SPPL2B: variants seen among roughly 807,000 people sequenced by gnomAD.
SPPL2B encodes the protein signal peptide peptidase-like 2B.
Under a neutral mutation model 59.7 loss-of-function variants are expected in SPPL2B, and 39 were observed. That is an observed-to-expected ratio of 0.65 (90% CI 0.51 to 0.85). The LOEUF (loss-of-function observed/expected upper bound fraction) is 0.85, where lower values mean the gene tolerates loss of function less well. Ranked by LOEUF, SPPL2B falls within the 40% of genes least tolerant of loss-of-function variation. The pLI, the probability that SPPL2B is intolerant of heterozygous loss-of-function variation, is 0.00. For missense variants in SPPL2B, 865 were observed against 849.0 expected (o/e 1.02, Z -0.23); for synonymous variants, 419 against 370.8 (o/e 1.13, Z -1.49).
chr19:2,345,709 C>T (rs1427927670), intron 13 of SPPL2B, among the ~76,000 whole-genome samples: 1 of 151,752 alleles, frequency 6.6e-6, no homozygotes, highest in African/African-American at 2.4e-5. Flanking sequence ...CTTCCTGGGC[C>T]TGTGCCTCCG....
intron 2 of SPPL2B, among the ~76,000 whole-genome samples, chr19:2,335,923 G>A (rs1968574029): frequency 6.6e-6 from 1 of 152,272 alleles, no homozygotes; most frequent in African/African-American, 2.4e-5. Context: ...GCATGTTTAT[G>A]TGAGTTTGCA....
In SPPL2B at chr19:2,354,013, G is replaced by A. The variant is rs945809337; in HGVS notation, c.*804G>A. On this transcript the variant is annotated 3_prime_UTR_variant, in exon 15 of 15. Transcript: ENST00000613503. ...AGCAGGGGTGGGCGCCAGGCAGGCT[G>A]GGTCAGGCCCTCAGGGGTCCCTGGA... is the stretch of plus-strand genomic sequence containing the variant. The A allele has an allele frequency of 6.6e-6, 1 of 152,226 alleles. No homozygotes were observed. The highest frequency in any genetic ancestry group is 2.4e-5 in the African/African-American group (1 of 41,452). The allele number at this position is 152,226 out of a possible 1,614,324, so 9.4% of individuals were successfully genotyped here. A position where few individuals can be genotyped will look rare whatever the true frequency, so the allele number is the denominator to read the frequency against.
Position 2,337,426 on chromosome 19 carries a change from T to C in SPPL2B, c.187-17T>C. 3 of 1,579,376 alleles carry C rather than the reference T, an allele frequency of 1.9e-6. No individual in the cohort carries two copies. Among genetic ancestry groups the C allele is most frequent in the African/African-American group, 1.3e-5 (1 of 74,408 alleles). On this transcript the variant is annotated splice_polypyrimidine_tract_variant and intron_variant, in intron 2 of 14. Coordinates refer to ENST00000613503, the MANE Select transcript of SPPL2B (RefSeq NM_152988.3). Reference sequence around the variant, plus strand: ...ACTCACATCACGTGAGACAACACTGTGCCCTGGCCTTTCCAGTCTTTCCTG... The same window carrying C: ...ACTCACATCACGTGAGACAACACTGCGCCCTGGCCTTTCCAGTCTTTCCTG...
At chr19:2,337,252 A>T in intron 2 of SPPL2B, 191 bp from the exon 3 acceptor site, 1 of 520,676 alleles carries the variant, frequency 1.9e-6, no homozygotes, top group Non-Finnish European at 3.3e-6. Context: ...GAGGCAGCCC[A>T]GCCCGTCGCC....
Position 2,353,479 on chromosome 19 carries a change from C to T in SPPL2B, c.*270C>T, listed in dbSNP as rs1338802706. On this transcript the variant is annotated 3_prime_UTR_variant, in exon 15 of 15. Transcript: ENST00000613503. ...TCCATCCTCCCCACCGGGGTCCGTC[C>T]TCGCAGGCCCTGCCCGGCCTCTCTG... The T allele has an allele frequency of 9.2e-6, 3 of 327,102 alleles. No homozygotes were observed. Among genetic ancestry groups the T allele is most frequent in the East Asian group, 1.0e-4 (2 of 19,708 alleles). The allele number at this position is 327,102 out of a possible 1,614,324, so 20.3% of individuals were successfully genotyped here.
intron 5 of SPPL2B, 54 bp from the exon 6 acceptor site, chr19:2,339,770 C>T: frequency 6.3e-7 from 1 of 1,575,372 alleles, no homozygotes; most frequent in East Asian, 2.3e-5. Context: ...GGCTCCCGAG[C>T]CCCGTGTCGG....
At chr19:2,334,791 C>T (rs78623786) in intron 2 of SPPL2B, 70 bp downstream of exon 2, 22 of 1,447,360 alleles carry the variant, frequency 1.5e-5, no homozygotes, top group East Asian at 1.1e-4. Flanking sequence ...GAGACACATC[C>T]GGCTGGGGTT....
At chr19:2,340,316 G>A in intron 7 of SPPL2B, 144 bp downstream of exon 7, 1 of 703,928 alleles carries the variant, frequency 1.4e-6, no homozygotes, top group Non-Finnish European at 2.3e-6. Context: ...GGGCTCCTAG[G>A]CCCAGGAGCA....
chr19:2,340,100 G>T lies in SPPL2B; in HGVS notation c.767G>T (p.Cys256Phe), dbSNP rs1182288345. 6.3e-6 allele frequency: 10 copies of T among 1,594,992 alleles called. No individual in the cohort carries two copies. In the South Asian group the frequency reaches 1.1e-4, roughly 18 times the overall value. Residue 256 changes from cysteine to phenylalanine, a missense_variant, in exon 7 of 15, where the codon TGC (cysteine) becomes TTC (phenylalanine). Cys to Phe is a radical substitution (Grantham distance 205). Transcript: ENST00000613503. ...GTGTACGTGGTCATCGGGATCTTCT[G>T]CCTGGCCTCCGCCACCGGCCTCTAC... The part of the protein sequence containing the change: ...LLVYVVIGIF[C>F]LASATGLYSC...
rs762137521 is a variant in SPPL2B, at chr19:2,340,953, C to T, written c.895C>T (p.Leu299Phe). 1.2e-6 allele frequency: 2 copies of T among 1,604,152 alleles called. No homozygotes were observed. Among genetic ancestry groups the T allele is most frequent in the Admixed American group, 1.7e-5 (1 of 59,982 alleles). The change falls in exon 8 of 15, where the codon CTC becomes TTC. Residue 299 changes from leucine to phenylalanine, a missense_variant. Physicochemically the swap from Leu to Phe is conservative, Grantham distance 22 (BLOSUM62 0). Transcript: ENST00000613503. ...FHKRPQARML[L>F]LALFCVAVSV... ...CAAGCGCCCGCAGGCCCGTATGCTG[C>T]TCCTGGCGCTCTTCTGCGTGGCCGT...
At chr19:2,335,684 C>G (rs1262161752) in intron 2 of SPPL2B, among the ~76,000 whole-genome samples, 1 of 150,934 alleles carries the variant, frequency 6.6e-6, no homozygotes, top group Non-Finnish European at 1.5e-5. Flanking sequence ...TCCTTTCCCA[C>G]CGTATCCCTC....
chr19:2,351,567 C>G lies in SPPL2B; in HGVS notation c.1488C>G (p.Gly496=), dbSNP rs62119750. 140 of 1,611,048 alleles carry G rather than the reference C, an allele frequency of 8.7e-5. No individual in the cohort carries two copies. Among genetic ancestry groups the G allele is most frequent in the Non-Finnish European group, 1.2e-4 (138 of 1,179,154 alleles). ...TGGCGCTCTGGCGCCGGGAGCTGGG[C>G]GTGTTCTGGACGGGCAGCGGCTTTG... is the stretch of plus-strand genomic sequence containing the variant. The part of the protein sequence containing the change: ...CAVALWRREL[G]VFWTGSGFAK... Residue 496 remains glycine, a synonymous_variant, in exon 14 of 15, where the codon GGC becomes GGG. Transcript: ENST00000613503.
intron 1 of SPPL2B, among the ~76,000 whole-genome samples, 194 bp downstream of exon 1, chr19:2,328,969 C>G (rs985647100): frequency 6.6e-6 from 1 of 152,232 alleles, no homozygotes; most frequent in South Asian, 2.1e-4. Flanking sequence ...GGCTCCTCTC[C>G]TTTCCCCGCC....
intron 5 of SPPL2B, 124 bp downstream of exon 5, chr19:2,339,332 G>T: frequency 8.7e-7 from 1 of 1,152,626 alleles, no homozygotes; most frequent in Non-Finnish European, 1.2e-6. Flanking sequence ...GCCCCGTGGA[G>T]CCCTTCGTTT....
In SPPL2B at chr19:2,345,260, G is replaced by A; in HGVS notation, c.1284G>A (p.Leu428=). 1 of 1,612,100 alleles carries A rather than the reference G, an allele frequency of 6.2e-7. No homozygotes were observed. The highest frequency in any genetic ancestry group is 8.5e-7 in the Non-Finnish European group (1 of 1,179,226). The change falls in exon 13 of 15, where the codon CTG becomes CTA. Residue 428 remains leucine (L), a synonymous_variant. Coordinates refer to ENST00000613503, the MANE Select transcript of SPPL2B (RefSeq NM_152988.3). The part of the protein sequence containing the change: ...GFGDILVPGL[L]VAYCHRFDIQ... ...GCCCTGTGCCTCCCCCAGGGCTGCT[G>A]GTGGCCTACTGCCACAGGTTTGACA... is the stretch of plus-strand genomic sequence containing the variant.
At chr19:2,346,261 A>G (rs1272239632) in intron 13 of SPPL2B, among the ~76,000 whole-genome samples, 1 of 152,224 alleles carries the variant, frequency 6.6e-6, no homozygotes, top group Non-Finnish European at 1.5e-5. Context: ...GGCCACTCCC[A>G]GGGCCAGGAG....
rs957128952 is a variant in SPPL2B, at chr19:2,338,756, C to T, written c.374C>T (p.Pro125Leu). Residue 125 changes from proline to leucine, a missense_variant, in exon 4 of 15, where the codon CCC becomes CTC. By Grantham distance (98) the Pro-to-Leu change is moderately conservative. Transcript: ENST00000613503. ...LLIVSRERLV[P>L]PGGNKTQYDE... is the part of the protein sequence containing the mutation. The stretch of plus-strand genomic sequence containing the variant: ...CTCCCTCCTCTGGGCCCCCAGGTCC[C>T]CCCGGGGGGTAATAAGACGCAGTAT... 1.2e-6 allele frequency: 2 copies of T among 1,610,766 alleles called. No individual in the cohort carries two copies. The highest frequency in any genetic ancestry group is 1.7e-6 in the Non-Finnish European group (2 of 1,177,402).
At chr19:2,351,704 G>T in intron 14 of SPPL2B, 110 bp downstream of exon 14, 2 of 1,434,746 alleles carry the variant, frequency 1.4e-6, no homozygotes, top group Non-Finnish European at 1.9e-6. Flanking sequence ...CCGCGACGGG[G>T]CTCAGGGTCC....
intron 2 of SPPL2B, among the ~76,000 whole-genome samples, chr19:2,336,008 G>C (rs1568431276): frequency 6.6e-6 from 1 of 152,214 alleles, no homozygotes; most frequent in African/African-American, 2.4e-5. Context: ...CATGTAATAG[G>C]TATGTGAACA....
Sources: gnomAD v4.1 joint callset for allele counts (sites outside exome capture counted in the v4.1 genomes callset) on GRCh38, gnomAD v4.1.1 for gene constraint, MANE v1.5 for transcripts, NCBI Gene and HGNC (gene_info 2026-07-23, HGNC 2026-07-21) for gene names.